PSG2: variants seen among roughly 807,000 people sequenced by gnomAD.
PSG2 encodes the protein pregnancy specific beta-1-glycoprotein 2.
A neutral mutation model predicts 36.2 loss-of-function variants in PSG2; 49 were observed. The ratio of observed to expected loss-of-function variants is 1.35; its 90% CI spans 1.08 to 1.72. The LOEUF (loss-of-function observed/expected upper bound fraction) is 1.72, where lower values mean the gene tolerates loss of function less well. Ranked by LOEUF, PSG2 falls within the 40% of genes most tolerant of loss-of-function variation. The pLI is 0.00. For missense variants in PSG2, 605 were observed against 407.2 expected (o/e 1.49, Z -4.18); for synonymous variants, 261 against 155.6 (o/e 1.68, Z -5.04).
Position 43,080,945 on chromosome 19 carries a change from T to G in PSG2, c.366A>C (p.Leu122Phe), listed in dbSNP as rs1173779257. ...VTREDAGSYTLHIIKRGDGTR... is the reference protein window; with the variant it reads ...VTREDAGSYTFHIIKRGDGTR... ...TCCCATCACCTCGCTTTATGATGTGTAAGGTGTAGGATCCTGCGTCCTCCC... is the reference window on the plus strand; with the variant it reads ...TCCCATCACCTCGCTTTATGATGTGGAAGGTGTAGGATCCTGCGTCCTCCC... Residue 122 changes from leucine (L) to phenylalanine (F), a missense_variant, in exon 2 of 6, where the codon TTA becomes TTC. Coordinates refer to ENST00000406487, the MANE Select transcript of PSG2 (RefSeq NM_031246.4). 6.2e-7 allele frequency: 1 copy of G among 1,612,832 alleles called. No individual in the cohort carries two copies. Among genetic ancestry groups the G allele is most frequent in the Non-Finnish European group, 8.5e-7 (1 of 1,179,622 alleles).
rs776659987 is a variant in PSG2, at chr19:43,071,725, G to C, written c.939C>G (p.Ser313=). ...VRNSATGEES[S]TSLTVKVSAS... ...CAGAGACTTTGACTGTCAACGATGT[G>C]GAGCTTTCCTCGCCAGTGGCTGAGT... is the stretch of plus-strand genomic sequence containing the variant. Residue 313 remains serine (S), a synonymous_variant, in exon 4 of 6, where the codon TCC becomes TCG. Coordinates refer to ENST00000406487, the MANE Select transcript of PSG2 (RefSeq NM_031246.4). 2 of 1,612,872 alleles carry C rather than the reference G, an allele frequency of 1.2e-6. No homozygotes were observed. The highest frequency in any genetic ancestry group is 1.7e-6 in the Non-Finnish European group (2 of 1,179,520).
At chr19:43,068,466 A>AAAAGAAAG (rs538043371) in intron 4 of PSG2, among the ~76,000 whole-genome samples, 3 of 147,126 alleles carry the variant, frequency 2.0e-5, no homozygotes, top group East Asian at 1.9e-4. Context: ...AAAAAAAAAA[A>AAAAGAAAG]AAAGAAAGAA....
At chr19:43,066,850 T>C (rs544347244) in intron 4 of PSG2, among the ~76,000 whole-genome samples, 6 of 148,968 alleles carry the variant, frequency 4.0e-5, no homozygotes, top group Admixed American at 3.4e-4. Flanking sequence ...GGCTTTCAGA[T>C]GTGAGAAAGG....
intron 2 of PSG2, among the ~76,000 whole-genome samples, chr19:43,078,873 G>T (rs1350041572): frequency 2.6e-5 from 4 of 151,624 alleles, no homozygotes; most frequent in Non-Finnish European, 5.9e-5. Flanking sequence ...CCTGTCCCAT[G>T]GTCTTGTCCA....
rs548294601 is a variant in PSG2 at position 43,071,882 on chromosome 19, C to A, written c.782G>T (p.Cys261Phe). 1.7e-5 allele frequency: 28 copies of A among 1,612,890 alleles called. No homozygotes were observed. In the East Asian group the frequency reaches 5.6e-4, roughly 32 times the overall value. The change falls in exon 4 of 6, where the codon TGC (cysteine) becomes TTC (phenylalanine). Residue 261 changes from cysteine to phenylalanine, a missense_variant. Transcript: ENST00000406487. ...TGCCGGTGGGTTAGAGTTCGCGAAG[C>A]AAGACAAGTAGAGGTTATCTCCTGA... ...YRSGDNLYLS[C>F]FANSNPPAQY...
At position 43,081,119 on chromosome 19, in the gene PSG2, G is replaced by A; in HGVS notation, c.192C>T (p.Gly64=). 3 of 1,612,848 alleles carry A rather than the reference G, an allele frequency of 1.9e-6. No individual in the cohort carries two copies. The highest frequency in any genetic ancestry group is 1.1e-5 in the South Asian group (1 of 91,046). The change falls in exon 2 of 6, where the codon GGC becomes GGT. Residue 64 remains glycine, a synonymous_variant. Transcript: ENST00000406487. ...LVHNLPQNLT[G]YIWYKGQIRD... ...TGATTTGCCCTTTGTACCAGATGTA[G>A]CCAGTAAGATTCTGGGGCAAATTGT...
intron 3 of PSG2, chr19:43,072,387 C>T: frequency 6.2e-7 from 1 of 1,612,680 alleles, no homozygotes; most frequent in Middle Eastern, 1.7e-4. Context: ...CTGTGGATGC[C>T]ACCATATCGG....
At chr19:43,065,768 T>C (rs546925035) in intron 5 of PSG2, 4 of 151,854 alleles carry the variant, frequency 2.6e-5, no homozygotes, top group African/African-American at 7.3e-5. Context: ...CACACATAGG[T>C]TGTGTTCTGA....
At chr19:43,077,865 T>C (rs1329667428) in intron 2 of PSG2, among the ~76,000 whole-genome samples, 1 of 151,818 alleles carries the variant, frequency 6.6e-6, no homozygotes, top group Non-Finnish European at 1.5e-5. Context: ...GTCCTCAAGC[T>C]AGGGATTCCT....
chr19:43,066,440 G>A lies in PSG2; in HGVS notation c.*40+77C>T. 6 of 1,075,144 alleles carry A rather than the reference G, an allele frequency of 5.6e-6. 1 individual carries two copies. The Admixed American group carries it at 6.8e-5, about 12-fold the overall frequency. The allele number at this position is 1,075,144 out of a possible 1,614,324, so 66.6% of individuals were successfully genotyped here. The stretch of plus-strand genomic sequence containing the variant: ...GGAGGAGATGCAGTCCCAGATACAG[G>A]CAAATAAGTCTTTTCCCTCTCCCAA... On this transcript the variant is annotated intron_variant, in intron 5 of 5. Transcript: ENST00000406487.
chr19:43,070,073 G>A (rs1374273190), intron 4 of PSG2, among the ~76,000 whole-genome samples: 2 of 151,606 alleles, frequency 1.3e-5, no homozygotes, highest in African/African-American at 2.4e-5. Context: ...TATCCAGTAA[G>A]CCCATGCAAA....
intron 3 of PSG2, chr19:43,072,254 A>T: frequency 6.5e-7 from 1 of 1,546,090 alleles, no homozygotes; most frequent in Non-Finnish European, 8.8e-7. Flanking sequence ...CCAGAAGTAA[A>T]GTTGTCTATA....
rs759864334 is a variant in PSG2 at position 43,075,570 on chromosome 19, C to T, written c.493G>A (p.Val165Met). ...NLNPREAMETVILTCDPETPD... is the reference protein window; with the variant it reads ...NLNPREAMETMILTCDPETPD... Reference sequence around the variant, plus strand: ...GTCTCAGGATCACAGGTTAAGATCACAGTTTCCATGGCCTCCCTGGGGTTT... The same window carrying T: ...GTCTCAGGATCACAGGTTAAGATCATAGTTTCCATGGCCTCCCTGGGGTTT... The change falls in exon 3 of 6, where the codon GTG (valine) becomes ATG (methionine). Residue 165 changes from valine (V) to methionine (M), a missense_variant. By Grantham distance (21) the Val-to-Met change is conservative. Transcript: ENST00000406487. 12 of 1,613,196 alleles carry T rather than the reference C, an allele frequency of 7.4e-6. No individual in the cohort carries two copies. Among genetic ancestry groups the T allele is most frequent in the Middle Eastern group, 1.6e-4 (1 of 6,082 alleles).
chr19:43,075,717 C>A (rs1376420083), intron 2 of PSG2, 85 bp from the exon 3 acceptor site: 13 of 1,541,900 alleles, frequency 8.4e-6, no homozygotes, highest in South Asian at 3.8e-5. Flanking sequence ...TGGCATTTCC[C>A]ACCTCTCAGC....
intron 4 of PSG2, 116 bp downstream of exon 4, chr19:43,071,584 T>G (rs1967816499): frequency 6.2e-6 from 10 of 1,608,746 alleles, no homozygotes; most frequent in Non-Finnish European, 8.5e-6. Context: ...GAATTTGGGA[T>G]TTGCTTTTGC....
chr19:43,081,048 A>T lies in PSG2; in HGVS notation c.263T>A (p.Ile88Lys), dbSNP rs772144236. ...YITSYVVDGQ[I>K]IIYGPAYSGR... Reference sequence around the variant, plus strand: ...ACTATATGCAGGCCCATATATAATTATTTGACCGTCTACTACATATGATGT... The same window carrying T: ...ACTATATGCAGGCCCATATATAATTTTTTGACCGTCTACTACATATGATGT... Residue 88 changes from isoleucine (I) to lysine (K), a missense_variant, in exon 2 of 6, where the codon ATA becomes AAA. Physicochemically the swap from Ile to Lys is moderately radical, Grantham distance 102. Transcript: ENST00000406487. The T allele has an allele frequency of 1.9e-6, 3 of 1,612,732 alleles. No homozygotes were observed. The Admixed American group carries it at 5.0e-5, about 27-fold the overall frequency.
intron 3 of PSG2, among the ~76,000 whole-genome samples, chr19:43,074,372 C>T (rs1177392075): frequency 1.3e-5 from 2 of 151,656 alleles, no homozygotes; most frequent in East Asian, 3.9e-4. Flanking sequence ...TAATTTCTTT[C>T]AGCAATGTTT....
At chr19:43,072,035 C>G in intron 3 of PSG2, 81 bp from the exon 4 acceptor site, 1 of 1,535,172 alleles carries the variant, frequency 6.5e-7, no homozygotes. Context: ...GACACAGTGA[C>G]CCTCTGAGAC....
chr19:43,069,704 T>C lies in PSG2; in HGVS notation c.964+1996A>G, dbSNP rs564274649. On this transcript the variant is annotated intron_variant, in intron 4 of 5. Coordinates refer to ENST00000406487, the MANE Select transcript of PSG2 (RefSeq NM_031246.4). Reference sequence around the variant, plus strand: ...AACACCATGTACAAAAATCAACCCATAATAGATCAAAGATCTAAATGTAAG... The same window carrying C: ...AACACCATGTACAAAAATCAACCCACAATAGATCAAAGATCTAAATGTAAG... Among the ~76,000 whole-genome samples the C allele has an allele frequency of 5.3e-5, 8 of 151,684 alleles. No homozygotes were observed. The East Asian group carries it at 1.2e-3, about 22-fold the overall frequency.
Sources: allele counts gnomAD v4.1 joint callset (sites outside exome capture counted in the v4.1 genomes callset), GRCh38; gene constraint gnomAD v4.1.1; transcripts MANE v1.5; gene names NCBI Gene and HGNC (gene_info 2026-07-23, HGNC 2026-07-21).